The following CNTNAP5 variants were observed in gnomAD, a reference collection of about 807,000 sequenced individuals.
The protein encoded by CNTNAP5 is contactin associated protein family member 5, also known as contactin-associated protein-like 5.
Under a neutral mutation model 150.2 loss-of-function variants are expected in CNTNAP5, and 72 were observed. The ratio of observed to expected loss-of-function variants is 0.48; its 90% confidence interval spans 0.40 to 0.58. The LOEUF is 0.58. Among genes scored for constraint, CNTNAP5 ranks in the 20% least tolerant of loss-of-function variants. The pLI is 0.00. For synonymous variants in CNTNAP5, 672 were observed against 619.8 expected, an observed-to-expected ratio of 1.08 and a Z score of -1.25; for missense variants, 1,636 against 1,626.2, an observed-to-expected ratio of 1.01 and a Z score of -0.10.
chr2:124,573,333 G>A (rs554720387), intron 11 of CNTNAP5, among the ~76,000 whole-genome samples: 2 of 152,228 alleles, frequency 1.3e-5, no homozygotes, highest in South Asian at 4.1e-4. Flanking sequence ...ATGTCAATTG[G>A]TTCCATTTCT....
chr2:124,120,674 A>G (rs575748157), intron 1 of CNTNAP5, among the ~76,000 whole-genome samples: 1 of 152,204 alleles, frequency 6.6e-6, no homozygotes, highest in Non-Finnish European at 1.5e-5. Context: ...GGCGATTTAC[A>G]GGCAAGTTTT....
chr2:124,396,102 T>C (rs1417769719), intron 3 of CNTNAP5, among the ~76,000 whole-genome samples: 2 of 152,132 alleles, frequency 1.3e-5, no homozygotes, highest in East Asian at 1.9e-4. Flanking sequence ...GAAATAAGAC[T>C]CAAAGCAGAA....
chr2:124,636,434 A>C (rs565857937), intron 12 of CNTNAP5, among the ~76,000 whole-genome samples: 1 of 152,348 alleles, frequency 6.6e-6, no homozygotes, highest in East Asian at 1.9e-4. Context: ...GGTGATAAAA[A>C]TAATGACTAG....
At chr2:124,400,491 C>T (rs1341128912) in intron 3 of CNTNAP5, among the ~76,000 whole-genome samples, 1 of 152,076 alleles carries the variant, frequency 6.6e-6, no homozygotes, top group Non-Finnish European at 1.5e-5. Context: ...ACCCTGTATA[C>T]CTGAGTTAGC....
intron 1 of CNTNAP5, among the ~76,000 whole-genome samples, chr2:124,164,030 T>C (rs1022439051): frequency 6.6e-6 from 1 of 152,192 alleles, no homozygotes; most frequent in Non-Finnish European, 1.5e-5. Flanking sequence ...TTGTTCTTAG[T>C]GGATTTCAAA....
chr2:124,655,537 T>TTATA lies in CNTNAP5; in HGVS notation c.2077+7599_2077+7602dup, dbSNP rs35983123. ...GTAATGGGATTTCTGCATCAAATGATTATATATATATATATATATATATTT... is the reference window on the plus strand; with the variant it reads ...GTAATGGGATTTCTGCATCAAATGATTATATATATATATATATATATATATATTT... On this transcript the variant is annotated intron_variant, in intron 13 of 23. Coordinates refer to ENST00000682447, the MANE Select transcript of CNTNAP5 (RefSeq NM_001367498.1). 3.4e-3 allele frequency among the ~76,000 whole-genome samples: 501 copies of TTATA among 148,116 alleles called. 5 individuals carry two copies. The highest frequency in any genetic ancestry group is 9.5e-3 in the African/African-American group (385 of 40,438).
intron 14 of CNTNAP5, among the ~76,000 whole-genome samples, chr2:124,762,931 T>C (rs1680989262): frequency 6.6e-6 from 1 of 152,108 alleles, no homozygotes; most frequent in Non-Finnish European, 1.5e-5. Flanking sequence ...CTCAAAACCA[T>C]TGTACACTCA....
intron 13 of CNTNAP5, among the ~76,000 whole-genome samples, chr2:124,718,627 A>T (rs2105113251): frequency 6.6e-6 from 1 of 152,222 alleles, no homozygotes; most frequent in South Asian, 2.1e-4. Flanking sequence ...CTTAGGTGTG[A>T]TGGGTTTTAA....
At chr2:124,582,320 C>A (rs1696433485) in intron 11 of CNTNAP5, among the ~76,000 whole-genome samples, 1 of 152,106 alleles carries the variant, frequency 6.6e-6, no homozygotes, top group Admixed American at 6.6e-5. Flanking sequence ...TTTACTCACT[C>A]CAGAAACCAG....
intron 10 of CNTNAP5, among the ~76,000 whole-genome samples, chr2:124,553,590 C>G (rs773016206): frequency 1.3e-5 from 2 of 150,908 alleles, no homozygotes; most frequent in Non-Finnish European, 2.9e-5. Context: ...AATAAAATGA[C>G]GCAAAATGTT....
At chr2:124,692,266 G>A (rs1679314760) in intron 13 of CNTNAP5, among the ~76,000 whole-genome samples, 1 of 152,044 alleles carries the variant, frequency 6.6e-6, no homozygotes, top group Non-Finnish European at 1.5e-5. Flanking sequence ...GCAAACAATA[G>A]CTCATGTGGC....
intron 6 of CNTNAP5, among the ~76,000 whole-genome samples, chr2:124,448,914 A>C (rs1256918094): frequency 1.3e-5 from 2 of 152,222 alleles, no homozygotes; most frequent in East Asian, 3.8e-4. Flanking sequence ...GTTTGGATAC[A>C]CAGTCATGGC....
At chr2:124,795,029 C>G (rs1681815041) in intron 18 of CNTNAP5, among the ~76,000 whole-genome samples, 1 of 151,986 alleles carries the variant, frequency 6.6e-6, no homozygotes, top group Non-Finnish European at 1.5e-5. Flanking sequence ...TGGATAATTT[C>G]TAGACTATTC....
At chr2:124,877,062 A>G (rs546498317) in intron 21 of CNTNAP5, among the ~76,000 whole-genome samples, 3 of 152,046 alleles carry the variant, frequency 2.0e-5, no homozygotes, top group Admixed American at 6.6e-5. Flanking sequence ...AACAAGTTAC[A>G]TTTTTTCCCC....
chr2:124,806,941 T>A (rs1473800877), intron 19 of CNTNAP5, among the ~76,000 whole-genome samples: 2 of 149,314 alleles, frequency 1.3e-5, no homozygotes, highest in Admixed American at 6.7e-5. Flanking sequence ...AAGCCAGGGA[T>A]AAAGAAAATG....
chr2:124,032,847 G>A (rs1197932794), intron 1 of CNTNAP5, among the ~76,000 whole-genome samples: 1 of 152,186 alleles, frequency 6.6e-6, no homozygotes, highest in East Asian at 1.9e-4. Context: ...GCATGACATT[G>A]TATAGCACAT....
chr2:124,304,792 G>A (rs946053757), intron 3 of CNTNAP5, among the ~76,000 whole-genome samples: 4 of 152,118 alleles, frequency 2.6e-5, no homozygotes, highest in Admixed American at 2.6e-4. Flanking sequence ...GGACCTAGGT[G>A]TTTCTTTGAA....
At chr2:124,580,921 G>A (rs1696396813) in intron 11 of CNTNAP5, among the ~76,000 whole-genome samples, 2 of 152,230 alleles carry the variant, frequency 1.3e-5, no homozygotes, top group Admixed American at 6.5e-5. Flanking sequence ...GTGAGGAGAA[G>A]CGAGGCCTTA....
At chr2:124,802,186 A>G (rs1233072040) in intron 19 of CNTNAP5, among the ~76,000 whole-genome samples, 2 of 152,180 alleles carry the variant, frequency 1.3e-5, no homozygotes, top group African/African-American at 4.8e-5. Context: ...AGTAAGGTGG[A>G]TGAGTTGCAT....
Sources: gnomAD v4.1 joint callset for allele counts (sites outside exome capture counted in the v4.1 genomes callset) on GRCh38, gnomAD v4.1.1 for gene constraint, MANE v1.5 for transcripts, NCBI Gene and HGNC (gene_info 2026-07-23, HGNC 2026-07-21) for gene names.